Variants in RAB28 observed in about 807,000 individuals in gnomAD.
RAB28 encodes the protein RAB28, member RAS oncogene family, also known as ras-related protein Rab-28.
Under a neutral mutation model 31.7 loss-of-function variants are expected in RAB28, and 24 were observed. That is an observed-to-expected ratio of 0.76 (90% CI 0.55 to 1.06). The LOEUF is 1.06. RAB28 is among the 50% of genes least tolerant of loss of function. RAB28 has a pLI of 0.00. For synonymous variants in RAB28, 100 were observed against 90.4 expected, an observed-to-expected ratio of 1.11 and a Z score of -0.60; for missense variants, 254 against 258.5, an observed-to-expected ratio of 0.98 and a Z score of 0.12.
chr4:13,370,382 A>G (rs1577144129), intron 6 of RAB28: 1 of 905,676 alleles, frequency 1.1e-6, no homozygotes, highest in East Asian at 1.2e-4. Context: ...TCCATTAACA[A>G]GCTTTACTGA....
chr4:13,409,284 G>C (rs1319648754), intron 4 of RAB28, among the ~76,000 whole-genome samples: 3 of 152,214 alleles, frequency 2.0e-5, no homozygotes, highest in East Asian at 3.9e-4. Context: ...TACTGAAAAA[G>C]GTGCTCAAAT....
chr4:13,475,863 G>C (rs1716339492), intron 2 of RAB28, among the ~76,000 whole-genome samples: 1 of 151,386 alleles, frequency 6.6e-6, no homozygotes, highest in Non-Finnish European at 1.5e-5. Context: ...CTTCTATAAT[G>C]CTGTCTCAAA....
chr4:13,381,300 T>C (rs889460228), intron 5 of RAB28, among the ~76,000 whole-genome samples, 191 bp downstream of exon 5: 1 of 152,072 alleles, frequency 6.6e-6, no homozygotes, highest in Non-Finnish European at 1.5e-5. Flanking sequence ...CTTTTAAAAA[T>C]AACTAAAATT....
intron 4 of RAB28, among the ~76,000 whole-genome samples, chr4:13,456,114 C>CA (rs1337521785): frequency 6.6e-6 from 1 of 152,142 alleles, no homozygotes; most frequent in Non-Finnish European, 1.5e-5. Flanking sequence ...AACCTTTCAG[C>CA]AAATTTACAA....
intron 4 of RAB28, among the ~76,000 whole-genome samples, chr4:13,429,945 T>G (rs999726458): frequency 6.6e-6 from 1 of 152,194 alleles, no homozygotes; most frequent in African/African-American, 2.4e-5. Flanking sequence ...TACAGTAAGT[T>G]ACAGTAATCA....
At chr4:13,393,732 G>A (rs937654478) in intron 4 of RAB28, among the ~76,000 whole-genome samples, 2 of 151,188 alleles carry the variant, frequency 1.3e-5, no homozygotes, top group Admixed American at 1.3e-4. Flanking sequence ...AATAGAAGAT[G>A]GCAAGTTTTA....
In RAB28 at chr4:13,410,535, AAAAT is replaced by A. The variant is rs570165655; in HGVS notation, c.392-28945_392-28942del. Among the ~76,000 whole-genome samples, 1,353 of 152,256 alleles carry A rather than the reference AAAAT, an allele frequency of 8.9e-3. 11 individuals carry two copies. Among genetic ancestry groups the A allele is most frequent in the Non-Finnish European group, 0.015 (1,047 of 68,016 alleles). On this transcript the variant is annotated intron_variant, in intron 4 of 6. Transcript: ENST00000330852. ...TTGCTTTCAAGATAAGAGCTGCAAA[AAAAT>A]AAATAAATAAATAAAACTCAACAGG...
chr4:13,457,054 T>G (rs771513910), intron 4 of RAB28, among the ~76,000 whole-genome samples: 8 of 152,218 alleles, frequency 5.3e-5, no homozygotes, highest in Non-Finnish European at 8.8e-5. Flanking sequence ...CTACCAGTAT[T>G]TCCACAGCCT....
intron 5 of RAB28, 94 bp downstream of exon 5, chr4:13,381,397 T>C (rs1439871248): frequency 1.2e-6 from 1 of 844,688 alleles, no homozygotes; most frequent in Non-Finnish European, 1.9e-6. Flanking sequence ...TAGGAATTAA[T>C]TTGCTCCAAA....
At chr4:13,469,513 C>T (rs148861293) in intron 3 of RAB28, among the ~76,000 whole-genome samples, 43 of 152,082 alleles carry the variant, frequency 2.8e-4, no homozygotes, top group Middle Eastern at 3.4e-3. Flanking sequence ...TGCCTTCCTC[C>T]AACTTCAGTT....
intron 3 of RAB28, among the ~76,000 whole-genome samples, chr4:13,472,154 AT>A (rs1716150602): frequency 6.6e-6 from 1 of 151,780 alleles, no homozygotes; most frequent in South Asian, 2.1e-4. Flanking sequence ...TTTTTTATTT[AT>A]TTTGTTTTTT....
chr4:13,420,682 A>T (rs1362807630), intron 4 of RAB28, among the ~76,000 whole-genome samples: 4 of 152,248 alleles, frequency 2.6e-5, no homozygotes, highest in Non-Finnish European at 5.9e-5. Flanking sequence ...ATAGATGCAG[A>T]AAAGGCCTTG....
chr4:13,421,354 C>T (rs1266878109), intron 4 of RAB28, among the ~76,000 whole-genome samples: 1 of 152,146 alleles, frequency 6.6e-6, no homozygotes, highest in Non-Finnish European at 1.5e-5. Flanking sequence ...AGATTCAATG[C>T]CATCCCCATC....
At chr4:13,474,696 GA>G (rs1260929940) in intron 2 of RAB28, among the ~76,000 whole-genome samples, 4 of 151,560 alleles carry the variant, frequency 2.6e-5, no homozygotes, top group African/African-American at 7.3e-5. Flanking sequence ...TTAAGCCTTA[GA>G]AAAATGTTTT....
chr4:13,371,863 T>C (rs772984868), intron 6 of RAB28: 13 of 1,543,560 alleles, frequency 8.4e-6, no homozygotes, highest in South Asian at 2.4e-5. Flanking sequence ...AATAATGAAA[T>C]GGCCCTAAGA....
intron 3 of RAB28, among the ~76,000 whole-genome samples, chr4:13,473,170 T>C (rs1716198306): frequency 6.6e-6 from 1 of 152,004 alleles, no homozygotes; most frequent in African/African-American, 2.4e-5. Context: ...CAACGGTATT[T>C]GACATGAACC....
intron 4 of RAB28, among the ~76,000 whole-genome samples, chr4:13,385,933 T>A (rs547437123): frequency 6.6e-6 from 1 of 152,114 alleles, no homozygotes; most frequent in Non-Finnish European, 1.5e-5. Flanking sequence ...ACAAGAGAAA[T>A]GCTTACAGAC....
chr4:13,446,225 T>TTG (rs1714687579), intron 4 of RAB28, among the ~76,000 whole-genome samples: 1 of 152,078 alleles, frequency 6.6e-6, no homozygotes, highest in Admixed American at 6.5e-5. Context: ...CCAACCAAAC[T>TTG]TGGTCCTCCC....
intron 4 of RAB28, among the ~76,000 whole-genome samples, chr4:13,402,348 T>G (rs1194230549): frequency 2.0e-5 from 3 of 152,250 alleles, no homozygotes; most frequent in African/African-American, 4.8e-5. Flanking sequence ...GATAAAGGAT[T>G]GTTGAAATCT....
Sources: allele counts gnomAD v4.1 joint callset (sites outside exome capture counted in the v4.1 genomes callset), GRCh38; gene constraint gnomAD v4.1.1; transcripts MANE v1.5; gene names NCBI Gene and HGNC (gene_info 2026-07-23, HGNC 2026-07-21).